The following NDUFAF2 variants were observed in gnomAD, a reference collection of about 807,000 sequenced individuals.
NDUFAF2 encodes the protein NADH:ubiquinone oxidoreductase complex assembly factor 2.
NDUFAF2 carries 13 observed loss-of-function variants against 22.8 expected under a neutral mutation model. The ratio of observed to expected loss-of-function variants is 0.57; its 90% CI spans 0.37 to 0.91. The LOEUF (loss-of-function observed/expected upper bound fraction) is 0.91, where lower values mean the gene tolerates loss of function less well. Among genes scored for constraint, NDUFAF2 ranks in the 40% least tolerant of loss-of-function variants. NDUFAF2 has a pLI of 0.01. For synonymous variants in NDUFAF2, 53 were observed against 64.2 expected (o/e 0.83, Z 0.84); for missense variants, 162 against 195.2 (o/e 0.83, Z 1.01).
Position 61,136,005 on chromosome 5 carries a change from T to TTATATATATATATATATATATATATA in NDUFAF2, c.259-16687_259-16662dup, listed in dbSNP as rs57756292. On this transcript the variant is annotated intron_variant, in intron 3 of 3. Coordinates refer to ENST00000296597, the MANE Select transcript of NDUFAF2 (RefSeq NM_174889.5). ...TTGGTCCCTACATCTAAGCCTGTCT[T>TTATATATATATATATATATATATATA]TATATATATATATATATATATATAT... Among the ~76,000 whole-genome samples, 84 of 95,980 alleles carry TTATATATATATATATATATATATATA rather than the reference T, an allele frequency of 8.8e-4. 1 individual carries two copies. The highest frequency in any genetic ancestry group is 1.6e-3 in the African/African-American group (30 of 18,308). The allele number at this position is 95,980 out of a possible 152,430, so 63.0% of individuals were successfully genotyped here. A position where few individuals can be genotyped will look rare whatever the true frequency, so the allele number is the denominator to read the frequency against.
chr5:61,021,914 T>C (rs1751588669), intron 1 of NDUFAF2, among the ~76,000 whole-genome samples: 1 of 152,202 alleles, frequency 6.6e-6, no homozygotes, highest in Non-Finnish European at 1.5e-5. Flanking sequence ...ATCTGCAAGA[T>C]AGGCTGGTGG....
At chr5:60,949,796 G>A (rs1052858929) in intron 1 of NDUFAF2, among the ~76,000 whole-genome samples, 17 of 152,134 alleles carry the variant, frequency 1.1e-4, no homozygotes, top group African/African-American at 4.1e-4. Flanking sequence ...TAGAGATCAT[G>A]ATATGTTTTG....
chr5:61,065,185 A>G (rs1752213357), intron 1 of NDUFAF2, among the ~76,000 whole-genome samples: 4 of 152,036 alleles, frequency 2.6e-5, no homozygotes, highest in Admixed American at 2.0e-4. Context: ...GACCAATATT[A>G]ATAAAGACAT....
intron 1 of NDUFAF2, among the ~76,000 whole-genome samples, chr5:61,063,938 T>C (rs1752198023): frequency 6.6e-6 from 1 of 152,124 alleles, no homozygotes; most frequent in Admixed American, 6.6e-5. Context: ...TCAAAAGTGA[T>C]AGAATGGTTA....
chr5:60,986,506 A>G (rs974882550), intron 1 of NDUFAF2, among the ~76,000 whole-genome samples: 3 of 152,202 alleles, frequency 2.0e-5, no homozygotes, highest in Non-Finnish European at 4.4e-5. Flanking sequence ...ATACACTCAC[A>G]TCAAAAATTA....
At chr5:61,034,912 A>ATG (rs1554080641) in intron 1 of NDUFAF2, among the ~76,000 whole-genome samples, 11,317 of 144,888 alleles carry the variant, frequency 0.078, 530 homozygotes, top group African/African-American at 0.12. Flanking sequence ...GCAAATATAT[A>ATG]TGTGTGTGTG....
chr5:60,971,791 C>T (rs1445866830), intron 1 of NDUFAF2, among the ~76,000 whole-genome samples: 4 of 152,118 alleles, frequency 2.6e-5, no homozygotes, highest in African/African-American at 7.2e-5. Context: ...AGGACATGAA[C>T]TCATCCTTTT....
intron 2 of NDUFAF2, among the ~76,000 whole-genome samples, chr5:61,087,905 A>C (rs1752523136): frequency 6.6e-6 from 1 of 152,176 alleles, no homozygotes. Flanking sequence ...TAATAGCTTA[A>C]AATAAGACAC....
At chr5:61,131,019 A>G (rs1354458154) in intron 3 of NDUFAF2, among the ~76,000 whole-genome samples, 1 of 152,158 alleles carries the variant, frequency 6.6e-6, no homozygotes, top group Non-Finnish European at 1.5e-5. Flanking sequence ...AAATTTGACA[A>G]CATAAGAAGT....
chr5:60,972,773 G>GTTTTTTTTTTTTTTTGGTTTTTTTTTT (rs35076688), intron 1 of NDUFAF2, among the ~76,000 whole-genome samples: 1 of 103,922 alleles, frequency 9.6e-6, no homozygotes, highest in Non-Finnish European at 1.9e-5. Context: ...TGTGTATTCT[G>GTTTTTTTTTTTTTTTGGTTTTTTTTTT]TTTTTTTTTT....
intron 2 of NDUFAF2, among the ~76,000 whole-genome samples, chr5:61,088,275 C>G (rs1400142043): frequency 6.6e-6 from 1 of 152,012 alleles, no homozygotes; most frequent in East Asian, 1.9e-4. Flanking sequence ...ATAACGTAAT[C>G]ACATGAGCAC....
intron 1 of NDUFAF2, among the ~76,000 whole-genome samples, chr5:60,990,984 T>C (rs1281091077): frequency 6.6e-6 from 1 of 152,280 alleles, no homozygotes; most frequent in African/African-American, 2.4e-5. Context: ...TTTCCTGGTA[T>C]AGTTGAACAA....
At chr5:61,151,336 CTT>C (rs796373419) in intron 3 of NDUFAF2, among the ~76,000 whole-genome samples, 1 of 145,492 alleles carries the variant, frequency 6.9e-6, no homozygotes, top group Admixed American at 6.9e-5. Flanking sequence ...CTTGACAGAA[CTT>C]TTTTTTTTTT....
At chr5:61,124,132 GTTTCTT>G (rs1471060789) in intron 3 of NDUFAF2, among the ~76,000 whole-genome samples, 2 of 152,052 alleles carry the variant, frequency 1.3e-5, no homozygotes, top group African/African-American at 4.8e-5. Flanking sequence ...TAGCTGAATA[GTTTCTT>G]TTTCTCAGTA....
intron 3 of NDUFAF2, among the ~76,000 whole-genome samples, chr5:61,105,097 A>G (rs915562134): frequency 1.4e-5 from 2 of 146,940 alleles, no homozygotes; most frequent in Admixed American, 6.7e-5. Context: ...TCTGGTTGAC[A>G]TATTTCCTAT....
At chr5:61,037,174 G>A (rs1168305724) in intron 1 of NDUFAF2, among the ~76,000 whole-genome samples, 1 of 152,132 alleles carries the variant, frequency 6.6e-6, no homozygotes, top group Admixed American at 6.5e-5. Context: ...GTGTTTAGGC[G>A]GTGATTGAGT....
At chr5:60,976,007 G>A (rs190568813) in intron 1 of NDUFAF2, among the ~76,000 whole-genome samples, 25 of 152,294 alleles carry the variant, frequency 1.6e-4, no homozygotes, top group Non-Finnish European at 2.9e-4. Flanking sequence ...CATATGAGCA[G>A]GATGAAGATG....
intron 1 of NDUFAF2, among the ~76,000 whole-genome samples, chr5:61,029,336 G>A (rs76998989): frequency 1.9e-4 from 29 of 152,212 alleles, no homozygotes; most frequent in African/African-American, 5.1e-4. Context: ...ATTGCCATGC[G>A]TGTTGAATTA....
chr5:61,019,252 A>G (rs951774547), intron 1 of NDUFAF2, among the ~76,000 whole-genome samples: 10 of 152,156 alleles, frequency 6.6e-5, no homozygotes, highest in Non-Finnish European at 4.4e-5. Flanking sequence ...TGGGGATAAC[A>G]ATAGTACCCA....
Sources: gnomAD v4.1 joint callset for allele counts (sites outside exome capture counted in the v4.1 genomes callset) on GRCh38, gnomAD v4.1.1 for gene constraint, MANE v1.5 for transcripts, NCBI Gene and HGNC (gene_info 2026-07-23, HGNC 2026-07-21) for gene names.